TASP1: variants seen among roughly 807,000 people sequenced by gnomAD.
TASP1 encodes the protein taspase 1, also known as threonine aspartase 1.
TASP1 carries 16 observed loss-of-function variants against 56.6 expected under a neutral mutation model. The observed-to-expected ratio is 0.28, with a 90% CI of 0.19 to 0.43. The LOEUF is 0.43. Among genes scored for constraint, TASP1 ranks in the 20% least tolerant of loss-of-function variants. The pLI is 1.00. For synonymous variants in TASP1, 179 were observed against 184.2 expected, an observed-to-expected ratio of 0.97 and a Z score of 0.23; for missense variants, 393 against 511.6, an observed-to-expected ratio of 0.77 and a Z score of 2.24.
intron 12 of TASP1, among the ~76,000 whole-genome samples, chr20:13,428,191 A>C (rs2042682654): frequency 6.6e-6 from 1 of 152,210 alleles, no homozygotes. Flanking sequence ...ACTCCCTGGC[A>C]GACACCCTTG....
intron 10 of TASP1, among the ~76,000 whole-genome samples, chr20:13,511,164 TTCC>T (rs1326358841): frequency 6.6e-6 from 1 of 151,246 alleles, no homozygotes; most frequent in Non-Finnish European, 1.5e-5. Flanking sequence ...AAAGAAAGAG[TTCC>T]TCATTCCTAG....
chr20:13,117,871 C>A, the TASP1 span: 2 of 670,720 alleles, frequency 3.0e-6, no homozygotes, highest in Non-Finnish European at 4.9e-6. Flanking sequence ...GGGTTCACAG[C>A]CAGATAAGGC....
At position 13,398,633 on chromosome 20, in the gene TASP1, G is replaced by A. The variant is rs551416027; in HGVS notation, c.1171-8181C>T. On this transcript the variant is annotated intron_variant, in intron 13 of 13. Transcript: ENST00000337743. The stretch of plus-strand genomic sequence containing the variant: ...CTTTCCTTTTATTTTACTCCAAAAC[G>A]TAACCTCACTTTCCTTTGCTGATTC... Among the ~76,000 whole-genome samples the A allele has an allele frequency of 1.4e-4, 21 of 152,238 alleles. No individual in the cohort carries two copies. The South Asian group carries it at 4.4e-3, about 32-fold the overall frequency.
intron 13 of TASP1, chr20:13,392,707 T>C (rs1326670725): frequency 3.6e-6 from 2 of 553,448 alleles, no homozygotes; most frequent in African/African-American, 3.8e-5. Context: ...TAAAAAGATT[T>C]GGCAGTATCG....
intron 4 of TASP1, among the ~76,000 whole-genome samples, chr20:13,612,891 C>T (rs902621966): frequency 2.0e-5 from 3 of 152,126 alleles, no homozygotes; most frequent in African/African-American, 7.2e-5. Context: ...ATTACTACAT[C>T]CAGGACTTGC....
At chr20:13,629,787 T>C (rs1346547437) in intron 2 of TASP1, 147 bp downstream of exon 2, 9 of 1,196,828 alleles carry the variant, frequency 7.5e-6, no homozygotes, top group South Asian at 2.7e-5. Context: ...GTCCTCACTA[T>C]ATCCAAGTCA....
At chr20:13,436,925 T>A (rs943241390) in intron 11 of TASP1, among the ~76,000 whole-genome samples, 15 of 152,110 alleles carry the variant, frequency 9.9e-5, no homozygotes, top group African/African-American at 3.4e-4. Flanking sequence ...TATTTAACTA[T>A]TAAAGAGTAC....
the TASP1 span, among the ~76,000 whole-genome samples, chr20:13,182,512 C>A: frequency 6.6e-6 from 1 of 152,130 alleles, no homozygotes; most frequent in Non-Finnish European, 1.5e-5. Context: ...TCTGTCATCC[C>A]AATTTCTATC....
At chr20:13,201,754 CTT>C in the TASP1 span, among the ~76,000 whole-genome samples, 26 of 138,542 alleles carry the variant, frequency 1.9e-4, no homozygotes, top group South Asian at 9.3e-4. Context: ...AGATGGTAAA[CTT>C]TTTTTTTTTT....
intron 4 of TASP1, among the ~76,000 whole-genome samples, chr20:13,596,004 A>T (rs1380125919): frequency 6.6e-6 from 1 of 152,318 alleles, no homozygotes; most frequent in East Asian, 1.9e-4. Flanking sequence ...AATGTAAAAG[A>T]ACAGAAATCA....
the TASP1 span, among the ~76,000 whole-genome samples, chr20:13,287,814 C>T: frequency 6.6e-6 from 1 of 152,144 alleles, no homozygotes; most frequent in African/African-American, 2.4e-5. Context: ...TATTGCTACA[C>T]GTAACAAAAT....
chr20:13,297,310 G>A, the TASP1 span, among the ~76,000 whole-genome samples: 1 of 152,132 alleles, frequency 6.6e-6, no homozygotes, highest in Non-Finnish European at 1.5e-5. Context: ...GCTGAGGCAT[G>A]TTCTCTATGC....
the TASP1 span, among the ~76,000 whole-genome samples, chr20:13,150,722 C>A: frequency 1.3e-5 from 2 of 152,232 alleles, no homozygotes; most frequent in East Asian, 3.9e-4. Flanking sequence ...TTTAGACAAT[C>A]CATTCATCTT....
chr20:13,442,293 G>C (rs953875910), intron 11 of TASP1, among the ~76,000 whole-genome samples: 89 of 147,860 alleles, frequency 6.0e-4, no homozygotes, highest in African/African-American at 2.2e-3. Flanking sequence ...CACAGACACA[G>C]ACACACACAC....
chr20:13,279,435 G>GCCATGTT, the TASP1 span, among the ~76,000 whole-genome samples: 1 of 152,236 alleles, frequency 6.6e-6, no homozygotes, highest in South Asian at 2.1e-4. Context: ...CCAACCCAAA[G>GCCATGTT]CCATGTTCCA....
the TASP1 span, among the ~76,000 whole-genome samples, chr20:13,163,432 T>C: frequency 9.3e-5 from 14 of 150,334 alleles, no homozygotes; most frequent in Admixed American, 8.6e-4. Flanking sequence ...CCATAAATTA[T>C]CTCACAGATG....
the TASP1 span, among the ~76,000 whole-genome samples, chr20:13,172,269 G>A: frequency 6.6e-6 from 1 of 151,922 alleles, no homozygotes; most frequent in African/African-American, 2.4e-5. Flanking sequence ...AGGATAAAGG[G>A]AAGAACTTAA....
At chr20:13,391,831 G>A (rs1447992805) in intron 13 of TASP1, among the ~76,000 whole-genome samples, 5 of 151,908 alleles carry the variant, frequency 3.3e-5, no homozygotes, top group African/African-American at 1.2e-4. Context: ...AGCCAGGCGT[G>A]GTGGCAGGCG....
intron 4 of TASP1, among the ~76,000 whole-genome samples, chr20:13,593,418 G>A (rs769667019): frequency 6.6e-6 from 1 of 152,180 alleles, no homozygotes; most frequent in Non-Finnish European, 1.5e-5. Context: ...CCTCACCCAG[G>A]AAGCACAAGG....
Sources: allele counts gnomAD v4.1 joint callset (sites outside exome capture counted in the v4.1 genomes callset), GRCh38; gene constraint gnomAD v4.1.1; transcripts MANE v1.5; gene names NCBI Gene and HGNC (gene_info 2026-07-23, HGNC 2026-07-21).